LEKR1: variants seen among roughly 807,000 people sequenced by gnomAD.
LEKR1 encodes the protein leucine, glutamate and lysine rich 1.
In LEKR1, 59 loss-of-function variants were observed where a neutral mutation model predicts 72.4. The observed-to-expected ratio is 0.82, with a 90% CI of 0.66 to 1.01. LEKR1 has a LOEUF of 1.01. LEKR1 is among the 50% of genes least tolerant of loss of function. LEKR1 has a pLI of 0.00. For missense variants in LEKR1, 728 were observed against 759.2 expected, an observed-to-expected ratio of 0.96 and a Z score of 0.48; for synonymous variants, 257 against 263.2, an observed-to-expected ratio of 0.98 and a Z score of 0.23.
chr3:156,886,355 A>G (rs1720078189), intron 3 of LEKR1, among the ~76,000 whole-genome samples: 1 of 152,030 alleles, frequency 6.6e-6, no homozygotes, highest in African/African-American at 2.4e-5. Flanking sequence ...AAAACCAAGC[A>G]TGGCTTTCAA....
chr3:156,968,860 G>A (rs994489453), intron 6 of LEKR1, among the ~76,000 whole-genome samples: 20 of 152,096 alleles, frequency 1.3e-4, no homozygotes, highest in Non-Finnish European at 1.2e-4. Context: ...TTCCAAAATT[G>A]ACCACATAGT....
At chr3:156,872,391 A>G (rs1454821257) in intron 3 of LEKR1, among the ~76,000 whole-genome samples, 1 of 151,774 alleles carries the variant, frequency 6.6e-6, no homozygotes, top group Non-Finnish European at 1.5e-5. Context: ...TAAACTTTTC[A>G]TTTCATTGAT....
intron 3 of LEKR1, among the ~76,000 whole-genome samples, chr3:156,887,394 T>A (rs1720216938): frequency 2.6e-5 from 4 of 151,988 alleles, no homozygotes; most frequent in African/African-American, 7.3e-5. Flanking sequence ...GTAGGCAGAG[T>A]GTGGGGCGCA....
At chr3:156,839,591 A>G (rs1250108285) in intron 2 of LEKR1, among the ~76,000 whole-genome samples, 1 of 152,236 alleles carries the variant, frequency 6.6e-6, no homozygotes, top group Non-Finnish European at 1.5e-5. Context: ...TCTTGGAGAA[A>G]TTCAGGAGCT....
intron 6 of LEKR1, among the ~76,000 whole-genome samples, chr3:156,967,095 C>A (rs1728686431): frequency 6.6e-6 from 1 of 152,184 alleles, no homozygotes; most frequent in Admixed American, 6.5e-5. Flanking sequence ...AACTAACAAA[C>A]AGAAAGGACA....
intron 12 of LEKR1, among the ~76,000 whole-genome samples, chr3:157,033,890 A>G (rs1056506392): frequency 3.3e-5 from 5 of 152,154 alleles, no homozygotes; most frequent in African/African-American, 1.2e-4. Flanking sequence ...GTTGAAGCCA[A>G]TGCTCATTTA....
intron 9 of LEKR1, among the ~76,000 whole-genome samples, chr3:157,007,787 T>C (rs897070490): frequency 2.0e-5 from 3 of 152,162 alleles, no homozygotes; most frequent in Non-Finnish European, 4.4e-5. Context: ...TAACACATAA[T>C]CCAAGAAAAA....
rs561706523 is a variant in LEKR1 at position 156,852,634 on chromosome 3, A to G, written c.49-134A>G. On this transcript the variant is annotated intron_variant, in intron 2 of 12. Coordinates refer to ENST00000356539, the MANE Select transcript of LEKR1 (RefSeq NM_001004316.3). ...AAAATTTTTTATACAAGTGTTAGCA[A>G]TGTCGTAATTATTGCTCCAAGGCAT... 4.8e-5 allele frequency: 21 copies of G among 434,628 alleles called. No homozygotes were observed. In the South Asian group the frequency reaches 1.5e-3, roughly 30 times the overall value. The allele number at this position is 434,628 out of a possible 1,614,324, so 26.9% of individuals were successfully genotyped here. A position where few individuals can be genotyped will look rare whatever the true frequency, so the allele number is the denominator to read the frequency against.
At chr3:156,878,199 C>T (rs756148815) in intron 3 of LEKR1, among the ~76,000 whole-genome samples, 1 of 151,690 alleles carries the variant, frequency 6.6e-6, no homozygotes, top group Non-Finnish European at 1.5e-5. Flanking sequence ...TTCTCTAGCT[C>T]CTTGAGGTGT....
chr3:156,873,360 T>G (rs1436377271), intron 3 of LEKR1, among the ~76,000 whole-genome samples: 1 of 152,018 alleles, frequency 6.6e-6, no homozygotes, highest in Non-Finnish European at 1.5e-5. Context: ...CATGTTTTTT[T>G]AATCCATTCA....
chr3:156,957,237 G>T (rs902924295), intron 6 of LEKR1, among the ~76,000 whole-genome samples: 1 of 151,912 alleles, frequency 6.6e-6, no homozygotes, highest in African/African-American at 2.4e-5. Context: ...ATGACAATAT[G>T]ACCACTGGGC....
chr3:156,829,760 A>G (rs1240135202), intron 2 of LEKR1, among the ~76,000 whole-genome samples: 2 of 152,218 alleles, frequency 1.3e-5, no homozygotes, highest in African/African-American at 4.8e-5. Flanking sequence ...AGCCCCTTTT[A>G]TGCAGATGAC....
intron 2 of LEKR1, among the ~76,000 whole-genome samples, chr3:156,844,079 T>G (rs183056702): frequency 6.6e-6 from 1 of 152,194 alleles, no homozygotes; most frequent in African/African-American, 2.4e-5. Context: ...GGTCATTGAG[T>G]TTACTAAGGT....
At chr3:157,015,186 T>C (rs1232329856) in intron 10 of LEKR1, among the ~76,000 whole-genome samples, 1 of 152,088 alleles carries the variant, frequency 6.6e-6, no homozygotes, top group Non-Finnish European at 1.5e-5. Context: ...ATTCTTTGAG[T>C]TGAGGAAACC....
intron 3 of LEKR1, among the ~76,000 whole-genome samples, chr3:156,892,443 G>A (rs1035286648): frequency 6.6e-6 from 1 of 152,120 alleles, no homozygotes; most frequent in Non-Finnish European, 1.5e-5. Context: ...CATAATTCTT[G>A]CTTTAAATCC....
intron 3 of LEKR1, among the ~76,000 whole-genome samples, chr3:156,909,694 T>A (rs1020390968): frequency 1.3e-5 from 2 of 151,650 alleles, no homozygotes; most frequent in Non-Finnish European, 2.9e-5. Flanking sequence ...TATCTTTACC[T>A]ATTTTTATGT....
chr3:156,971,825 A>C (rs1204938588), intron 6 of LEKR1, among the ~76,000 whole-genome samples: 3 of 152,226 alleles, frequency 2.0e-5, no homozygotes, highest in African/African-American at 7.2e-5. Context: ...GGCAATCATT[A>C]AAAAGTCAGG....
At position 157,045,617 on chromosome 3, in the gene LEKR1, A is replaced by T; in HGVS notation, c.1946A>T (p.Asp649Val). The T allele has an allele frequency of 6.2e-7, 1 of 1,614,194 alleles. No homozygotes were observed. Among genetic ancestry groups the T allele is most frequent in the Admixed American group, 1.7e-5 (1 of 60,004 alleles). The stretch of plus-strand genomic sequence containing the variant: ...AAACCCACCACTTTCCCAACCTCAG[A>T]TAAGCCGAAGAGGGTTAGATCAGGC... ...VSKPTTFPTS[D>V]KPKRVRSGVP... The change falls in exon 13 of 13, where the codon GAT (aspartate) becomes GTT (valine). Residue 649 changes from aspartate (D) to valine (V), a missense_variant. Physicochemically the swap from Asp to Val is radical, Grantham distance 152 (BLOSUM62 -3). Coordinates refer to ENST00000356539, the MANE Select transcript of LEKR1 (RefSeq NM_001004316.3).
intron 3 of LEKR1, among the ~76,000 whole-genome samples, chr3:156,886,403 G>A (rs1254619100): frequency 3.9e-5 from 6 of 152,064 alleles, no homozygotes; most frequent in East Asian, 1.9e-4. Flanking sequence ...CATCAGTGGC[G>A]CCTCCTGGGC....
Sources: allele counts gnomAD v4.1 joint callset (sites outside exome capture counted in the v4.1 genomes callset), GRCh38; gene constraint gnomAD v4.1.1; transcripts MANE v1.5; gene names NCBI Gene and HGNC (gene_info 2026-07-23, HGNC 2026-07-21).